CCDC30: variants seen among roughly 807,000 people sequenced by gnomAD.
CCDC30 encodes coiled-coil domain-containing protein 30.
CCDC30 carries 70 observed loss-of-function variants against 100.2 expected under a neutral mutation model. The ratio of observed to expected loss-of-function variants is 0.70; its 90% CI spans 0.58 to 0.85. The LOEUF (loss-of-function observed/expected upper bound fraction) is 0.85. Ranked by LOEUF, CCDC30 falls within the 40% of genes least tolerant of loss-of-function variation. CCDC30 has a pLI of 0.00. For missense variants in CCDC30, 652 were observed against 771.2 expected, an observed-to-expected ratio of 0.85 and a Z score of 1.83; for synonymous variants, 233 against 269.5, an observed-to-expected ratio of 0.86 and a Z score of 1.33.
At chr1:42,456,846 A>G in the CCDC30 span, 1 of 1,613,382 alleles carries the variant, frequency 6.2e-7, no homozygotes, top group Non-Finnish European at 8.5e-7. Flanking sequence ...CCCTATGCCC[A>G]CCGCTTCCCA....
rs140027126 is a variant in CCDC30 at position 42,582,465 on chromosome 1, G to A, written c.1001+951G>A. On this transcript the variant is annotated intron_variant, in intron 9 of 16. Coordinates refer to ENST00000668663, the Ensembl canonical transcript of CCDC30. ...AGGAGCCAAATCAGGACTGTAAGGT[G>A]GATGCCTAATAATTCCCCATCAAAA... is the stretch of plus-strand genomic sequence containing the variant. Among the ~76,000 whole-genome samples the A allele has an allele frequency of 4.4e-3, 672 of 152,290 alleles. 2 individuals are homozygous for A. The highest frequency in any genetic ancestry group is 7.8e-3 in the Non-Finnish European group (533 of 68,028).
intron 6 of CCDC30, among the ~76,000 whole-genome samples, chr1:42,514,923 G>A (rs1234846253): frequency 2.0e-5 from 3 of 151,572 alleles, no homozygotes; most frequent in African/African-American, 7.3e-5. Flanking sequence ...AAAGTGCTGG[G>A]ATTACAGGCA....
At chr1:42,599,689 G>A (rs1353429152) in intron 10 of CCDC30, among the ~76,000 whole-genome samples, 1 of 152,134 alleles carries the variant, frequency 6.6e-6, no homozygotes, top group African/African-American at 2.4e-5. Context: ...AAAGACACAT[G>A]TAAATTAAAA....
chr1:42,498,875 C>T, exon 6 of CCDC30: 1 of 1,233,982 alleles, frequency 8.1e-7, no homozygotes, highest in Non-Finnish European at 1.0e-6. Context: ...ACTTGGAAAC[C>T]ACTCCCCTGG....
rs796261888 is a variant in CCDC30, at chr1:42,540,432, A to G, written c.457-25864A>G. On this transcript the variant is annotated intron_variant, in intron 6 of 16. Coordinates refer to ENST00000668663, the Ensembl canonical transcript of CCDC30. ...TAAAATATCATTGAAAAAGTTAACA[A>G]CAGATGAGCTGAAATGAGAAGAATA... 3.3e-5 allele frequency among the ~76,000 whole-genome samples: 5 copies of G among 152,278 alleles called. No individual in the cohort carries two copies. The South Asian group carries it at 8.3e-4, about 25-fold the overall frequency.
intron 6 of CCDC30, among the ~76,000 whole-genome samples, chr1:42,523,183 A>G (rs1644674362): frequency 1.3e-5 from 2 of 152,106 alleles, no homozygotes; most frequent in Non-Finnish European, 1.5e-5. Flanking sequence ...ATCTTTATTA[A>G]TTTCATATGG....
intron 10 of CCDC30, among the ~76,000 whole-genome samples, chr1:42,606,586 A>G (rs972943717): frequency 4.6e-5 from 7 of 152,162 alleles, no homozygotes; most frequent in East Asian, 1.9e-4. Context: ...TGTGACACCA[A>G]TCTTCTTTGC....
chr1:42,456,629 G>A, the CCDC30 span: 6 of 1,575,222 alleles, frequency 3.8e-6, no homozygotes, highest in South Asian at 1.2e-5. Context: ...CTGGGCTGAG[G>A]TTATGGCTCG....
intron 4 of CCDC30, chr1:42,491,957 T>A: frequency 1.1e-6 from 1 of 902,844 alleles, no homozygotes; most frequent in South Asian, 1.8e-5. Context: ...GTCTTGCTGA[T>A]CTGCAGAATG....
At chr1:42,564,523 C>CAGGTGATCCACCCACCTCGGCCT (rs1557858494) in intron 6 of CCDC30, among the ~76,000 whole-genome samples, 6 of 152,020 alleles carry the variant, frequency 3.9e-5, no homozygotes, top group South Asian at 2.1e-4. Flanking sequence ...CTCCTGACCT[C>CAGGTGATCCACCCACCTCGGCCT]CCAAAGTGCT....
chr1:42,464,864 G>A (rs1162229977), intron 1 of CCDC30, among the ~76,000 whole-genome samples: 3 of 152,178 alleles, frequency 2.0e-5, no homozygotes, highest in East Asian at 3.8e-4. Flanking sequence ...AGAAGCAGTC[G>A]TTTGTGATGT....
chr1:42,565,572 C>T (rs1022417206), intron 6 of CCDC30, among the ~76,000 whole-genome samples: 7 of 152,074 alleles, frequency 4.6e-5, no homozygotes, highest in Non-Finnish European at 8.8e-5. Context: ...TAGAACACTT[C>T]GACACTGTGG....
chr1:42,479,843 C>T (rs1643929927), intron 1 of CCDC30, among the ~76,000 whole-genome samples: 1 of 152,118 alleles, frequency 6.6e-6, no homozygotes, highest in Non-Finnish European at 1.5e-5. Context: ...AGATGAGGTG[C>T]CTCCTGGTTC....
chr1:42,528,948 A>ATTGTG (rs1644766854), intron 6 of CCDC30, among the ~76,000 whole-genome samples: 1 of 152,210 alleles, frequency 6.6e-6, no homozygotes. Flanking sequence ...AAGTACCAGA[A>ATTGTG]TAGTGTATGT....
intron 10 of CCDC30, among the ~76,000 whole-genome samples, chr1:42,600,242 G>A (rs143387224): frequency 6.6e-6 from 1 of 152,060 alleles, no homozygotes; most frequent in Non-Finnish European, 1.5e-5. Flanking sequence ...TCTCCAAGAA[G>A]AAAAAACAAT....
chr1:42,459,786 T>C (rs916564907), upstream of CCDC30: 5 of 1,614,094 alleles, frequency 3.1e-6, no homozygotes, highest in African/African-American at 6.7e-5. Context: ...ACGACAGTCC[T>C]TTGTGTTTAT....
intron 8 of CCDC30, among the ~76,000 whole-genome samples, chr1:42,577,867 T>C (rs2148586080): frequency 6.6e-6 from 1 of 152,164 alleles, no homozygotes; most frequent in East Asian, 1.9e-4. Flanking sequence ...GTCTTGATCT[T>C]CTGACCTCGT....
intron 15 of CCDC30, among the ~76,000 whole-genome samples, chr1:42,650,571 G>A (rs1404468211): frequency 1.3e-5 from 2 of 150,670 alleles, no homozygotes; most frequent in African/African-American, 4.9e-5. Flanking sequence ...AAAACAACAT[G>A]GGACTGGCAT....
At chr1:42,474,922 C>T (rs753521687) in intron 1 of CCDC30, among the ~76,000 whole-genome samples, 2 of 152,170 alleles carry the variant, frequency 1.3e-5, no homozygotes, top group Non-Finnish European at 2.9e-5. Flanking sequence ...GAATACACAA[C>T]AATTTTTAAT....
Sources: gnomAD v4.1 joint callset for allele counts (sites outside exome capture counted in the v4.1 genomes callset) on GRCh38, gnomAD v4.1.1 for gene constraint, MANE v1.5 for transcripts, NCBI Gene and HGNC (gene_info 2026-07-23, HGNC 2026-07-21) for gene names.